Variants in PCDHGA4 observed in about 807,000 individuals in gnomAD.
The protein encoded by PCDHGA4 is protocadherin gamma subfamily A, 4.
In PCDHGA4, 38 loss-of-function variants were observed where a neutral mutation model predicts 54.6. The observed-to-expected ratio is 0.70, with a 90% CI of 0.54 to 0.91. PCDHGA4 has a LOEUF of 0.91. Ranked by LOEUF, PCDHGA4 falls within the 40% of genes least tolerant of loss-of-function variation. The pLI is 0.00. For synonymous variants in PCDHGA4, 511 were observed against 512.9 expected, an observed-to-expected ratio of 1.00 and a Z score of 0.05; for missense variants, 1,298 against 1,220.9, an observed-to-expected ratio of 1.06 and a Z score of -0.94.
Position 141,393,951 on chromosome 5 carries a change from G to A in PCDHGA4, c.2514+36330G>A, listed in dbSNP as rs778713382. The A allele has an allele frequency of 6.4e-5, 104 of 1,613,726 alleles. No homozygotes were observed. The highest frequency in any genetic ancestry group is 1.6e-4 in the Middle Eastern group (1 of 6,084). ...GCATGACCAAGACTCTGGAAAGAAT[G>A]GTCAAGTTGTCTGTTACACACGTGA... On this transcript the variant is annotated intron_variant, in intron 1 of 3. Transcript: ENST00000571252.
intron 1 of PCDHGA4, chr5:141,408,193 C>T (rs1280310689): frequency 6.5e-7 from 1 of 1,545,210 alleles, no homozygotes; most frequent in Non-Finnish European, 8.7e-7. Flanking sequence ...AGCGAGAACC[C>T]GAGCGAACGA....
chr5:141,403,601 G>A, intron 1 of PCDHGA4: 1 of 1,613,814 alleles, frequency 6.2e-7, no homozygotes, highest in Non-Finnish European at 8.5e-7. Flanking sequence ...GGCCTCGGAT[G>A]GCGGCGAGCC....
intron 1 of PCDHGA4, among the ~76,000 whole-genome samples, chr5:141,473,719 T>C (rs998018115): frequency 6.6e-6 from 1 of 152,124 alleles, no homozygotes; most frequent in African/African-American, 2.4e-5. Context: ...CAATGGAATA[T>C]AGTGAGAGAG....
chr5:141,399,850 C>T (rs768366007), intron 1 of PCDHGA4: 1 of 1,612,946 alleles, frequency 6.2e-7, no homozygotes, highest in Non-Finnish European at 8.5e-7. Flanking sequence ...CGATATGGTG[C>T]CGCGCGCTGC....
chr5:141,399,370 A>C (rs1466560972), intron 1 of PCDHGA4: 2 of 1,614,004 alleles, frequency 1.2e-6, no homozygotes, highest in Non-Finnish European at 1.7e-6. Context: ...CCCGGAGTAC[A>C]ATGTCACCAT....
In PCDHGA4 at chr5:141,460,961, A is replaced by ATATGTGTGTG. The variant is rs1463306338; in HGVS notation, c.2515-33845_2515-33844insATGTGTGTGT. On this transcript the variant is annotated intron_variant, in intron 1 of 3. Coordinates refer to ENST00000571252, the MANE Select transcript of PCDHGA4 (RefSeq NM_018917.4). ...ATATATATGTATTATGTATATATAT[A>ATATGTGTGTG]TGTGTGTGTGTGTGTGTGTGTGTAT... Among the ~76,000 whole-genome samples the ATATGTGTGTG allele has an allele frequency of 1.3e-3, 194 of 144,616 alleles. 1 individual carries two copies. The highest frequency in any genetic ancestry group is 4.7e-3 in the African/African-American group (182 of 38,716). 94.9% of individuals were successfully genotyped at this position (144,616 alleles called of 152,430 possible). A position where few individuals can be genotyped will look rare whatever the true frequency, so the allele number is the denominator to read the frequency against.
At chr5:141,405,880 G>T (rs2094729430) in intron 1 of PCDHGA4, among the ~76,000 whole-genome samples, 1 of 152,110 alleles carries the variant, frequency 6.6e-6, no homozygotes, top group Non-Finnish European at 1.5e-5. Flanking sequence ...GGGCCTAATT[G>T]TTGCTCCAAC....
intron 1 of PCDHGA4, chr5:141,422,741 A>G (rs1319821802): frequency 6.2e-7 from 1 of 1,610,084 alleles, no homozygotes; most frequent in Non-Finnish European, 8.5e-7. Flanking sequence ...CTGTCCTCCT[A>G]TGTCTCTATT....
rs762770481 is a variant in PCDHGA4, at chr5:141,432,320, G to GACT, written c.2515-62484_2515-62482dup. On this transcript the variant is annotated intron_variant, in intron 1 of 3. Coordinates refer to ENST00000571252, the MANE Select transcript of PCDHGA4 (RefSeq NM_018917.4). This position sits in a 1 kb window ranked among gnomAD's most constrained non-coding sequence, Gnocchi z 6.0. ...GGTACTGTATGCGCTGAGCTCCTTC[G>GACT]ACTACGAGCAGTTCCGAGACTTGCA... is the stretch of plus-strand genomic sequence containing the variant. The GACT allele has an allele frequency of 2.6e-5, 42 of 1,614,238 alleles. No individual in the cohort carries two copies. The highest frequency in any genetic ancestry group is 3.6e-5 in the Non-Finnish European group (42 of 1,180,038).
chr5:141,421,614 T>C (rs552534116), intron 1 of PCDHGA4: 3 of 1,613,810 alleles, frequency 1.9e-6, no homozygotes, highest in South Asian at 2.2e-5. Flanking sequence ...ATATTAATGA[T>C]AACGCCCCCA....
Position 141,432,477 on chromosome 5 carries a change from C to G in PCDHGA4, c.2515-62330C>G. On this transcript the variant is annotated intron_variant, in intron 1 of 3. Coordinates refer to ENST00000571252, the MANE Select transcript of PCDHGA4 (RefSeq NM_018917.4). This position sits in a 1 kb window ranked among gnomAD's most constrained non-coding sequence, Gnocchi z 6.0. ...CCCGCCCTCCCCACGGACGGTTCCA[C>G]TGGCGTGGAGCTGGCTCCCCGCTCC... 3 of 1,614,212 alleles carry G rather than the reference C, an allele frequency of 1.9e-6. No homozygotes were observed. Among genetic ancestry groups the G allele is most frequent in the Non-Finnish European group, 1.7e-6 (2 of 1,180,044 alleles).
At chr5:141,463,741 C>T (rs1011021860) in intron 1 of PCDHGA4, among the ~76,000 whole-genome samples, 3 of 152,034 alleles carry the variant, frequency 2.0e-5, no homozygotes, top group Admixed American at 1.3e-4. Context: ...CCACCGCGCC[C>T]GGCCTGCTTC....
intron 1 of PCDHGA4, chr5:141,361,069 G>T (rs747875757): frequency 2.5e-6 from 4 of 1,613,910 alleles, no homozygotes; most frequent in Non-Finnish European, 3.4e-6. Context: ...TTTTGAGATT[G>T]CAAGTAGTTA....
chr5:141,508,723 G>A (rs941469412), intron 3 of PCDHGA4, among the ~76,000 whole-genome samples: 2 of 151,814 alleles, frequency 1.3e-5, no homozygotes, highest in African/African-American at 4.8e-5. Context: ...TGTGTGCAGG[G>A]AGACTACACC....
intron 1 of PCDHGA4, chr5:141,423,607 A>T (rs777606404): frequency 6.2e-7 from 1 of 1,612,176 alleles, no homozygotes; most frequent in Admixed American, 1.7e-5. Flanking sequence ...GCCACTCTTG[A>T]TAGCTGAAGA....
intron 1 of PCDHGA4, among the ~76,000 whole-genome samples, chr5:141,425,318 G>A (rs1304835508): frequency 1.3e-5 from 2 of 152,158 alleles, no homozygotes; most frequent in Non-Finnish European, 2.9e-5. Context: ...TCCCAAGATC[G>A]TGGAGAACAA....
chr5:141,372,804 CA>C lies in PCDHGA4; in HGVS notation c.2514+15187del. The C allele has an allele frequency of 2.5e-6, 4 of 1,592,244 alleles. No homozygotes were observed. In the Middle Eastern group the frequency reaches 6.7e-4, roughly 266 times the overall value. On this transcript the variant is annotated intron_variant, in intron 1 of 3. Coordinates refer to ENST00000571252, the MANE Select transcript of PCDHGA4 (RefSeq NM_018917.4). ...AATGCCTTCTAATTCAGGCAATTTG[CA>C]AAAGGTGAGTTTCTTCAAACCTTTC...
rs556415227 is a variant in PCDHGA4, at chr5:141,476,903, G to A, written c.2515-17904G>A. ...GGAGGATGCACCCTCCGGCACGCGC[G>A]TGGTACAAGTCCTTGCAACGGATCT... On this transcript the variant is annotated intron_variant, in intron 1 of 3. Transcript: ENST00000571252. This position sits in a 1 kb window ranked among gnomAD's most constrained non-coding sequence, Gnocchi z 7.6. The A allele has an allele frequency of 1.4e-5, 22 of 1,614,018 alleles. No homozygotes were observed. In the African/African-American group the frequency reaches 1.7e-4, roughly 13 times the overall value.
intron 1 of PCDHGA4, chr5:141,403,610 C>T: frequency 6.2e-7 from 1 of 1,613,860 alleles, no homozygotes; most frequent in Non-Finnish European, 8.5e-7. Context: ...TGGCGGCGAG[C>T]CGCGTCGCTC....
Sources: gnomAD v4.1 joint callset for allele counts (sites outside exome capture counted in the v4.1 genomes callset) on GRCh38, gnomAD v4.1.1 for gene constraint, Gnocchi (gnomAD v3.1) non-coding constraint, MANE v1.5 for transcripts, NCBI Gene and HGNC (gene_info 2026-07-23, HGNC 2026-07-21) for gene names.